KLHL3: variants seen among roughly 807,000 people sequenced by gnomAD.
KLHL3 encodes the protein kelch-like protein 3.
KLHL3 carries 19 observed loss-of-function variants against 70.5 expected under a neutral mutation model. That is an observed-to-expected ratio of 0.27 (90% CI 0.19 to 0.40). The LOEUF (loss-of-function observed/expected upper bound fraction) is 0.40. Among genes scored for constraint, KLHL3 ranks in the 10% least tolerant of loss-of-function variants. The probability of loss-of-function intolerance (pLI) is 1.00; values close to 1 mark genes in which losing one functional copy is unlikely to be tolerated. For synonymous variants in KLHL3, 258 were observed against 290.3 expected (o/e 0.89, Z 1.13); for missense variants, 512 against 771.1 (o/e 0.66, Z 3.98).
intron 1 of KLHL3, 161 bp from the exon 2 acceptor site, chr5:137,720,745 A>C (rs2149935346): frequency 7.6e-6 from 11 of 1,445,758 alleles, no homozygotes; most frequent in Non-Finnish European, 1.0e-5. Flanking sequence ...GAATTTCTTC[A>C]TATCTTCCAA....
intron 8 of KLHL3, among the ~76,000 whole-genome samples, chr5:137,645,562 C>CA (rs796988836): frequency 1.1e-4 from 16 of 148,974 alleles, no homozygotes; most frequent in Middle Eastern, 3.5e-3. Flanking sequence ...ACAATAGCTA[C>CA]AAAAAAAAAT....
At chr5:137,632,854 T>C (rs1190967207) in intron 12 of KLHL3, among the ~76,000 whole-genome samples, 1 of 152,122 alleles carries the variant, frequency 6.6e-6, no homozygotes, top group Non-Finnish European at 1.5e-5. Context: ...AGGATATACA[T>C]ACAGACATTT....
chr5:137,716,857 C>T (rs1269374843), intron 2 of KLHL3, among the ~76,000 whole-genome samples: 1 of 152,120 alleles, frequency 6.6e-6, no homozygotes, highest in Non-Finnish European at 1.5e-5. Flanking sequence ...TTTGTTAGAA[C>T]CTTAGGGAGG....
chr5:137,665,534 G>GT (rs2149900100), intron 6 of KLHL3, among the ~76,000 whole-genome samples: 1 of 152,318 alleles, frequency 6.6e-6, no homozygotes, highest in Admixed American at 6.5e-5. Flanking sequence ...AATGTTAATG[G>GT]TGAGTTTAGG....
At chr5:137,710,721 G>A (rs887634963) in intron 2 of KLHL3, among the ~76,000 whole-genome samples, 1 of 152,122 alleles carries the variant, frequency 6.6e-6, no homozygotes, top group African/African-American at 2.4e-5. Flanking sequence ...TATCATGCCT[G>A]TTATCAATAT....
chr5:137,664,108 T>C (rs1347281826), intron 6 of KLHL3, among the ~76,000 whole-genome samples: 2 of 152,108 alleles, frequency 1.3e-5, no homozygotes, highest in African/African-American at 4.8e-5. Flanking sequence ...TCCCAACATT[T>C]TGGGAGGCCA....
chr5:137,724,913 G>T, intron 1 of KLHL3: 1 of 286,570 alleles, frequency 3.5e-6, no homozygotes, highest in Non-Finnish European at 5.2e-6. Flanking sequence ...TGTACTTGAA[G>T]CTCACAACCT....
In KLHL3 at chr5:137,682,581, T is replaced by C. The variant is rs186930167; in HGVS notation, c.527-4927A>G. ...TAACCCCAGAATTAAGATATTTCCC[T>C]AATCCCCCCATCCACTAGGCTAGAG... On this transcript the variant is annotated intron_variant, in intron 5 of 14. Transcript: ENST00000309755. Among the ~76,000 whole-genome samples the C allele has an allele frequency of 4.0e-3, 611 of 152,298 alleles. 1 individual carries two copies. The highest frequency in any genetic ancestry group is 0.01 in the Middle Eastern group (3 of 294).
chr5:137,711,997 T>C (rs1175785993), intron 2 of KLHL3, among the ~76,000 whole-genome samples: 1 of 140,110 alleles, frequency 7.1e-6, no homozygotes, highest in East Asian at 2.1e-4. Context: ...CTACTAAAAA[T>C]ACAAAAAAAA....
At position 137,729,600 on chromosome 5, in the gene KLHL3, C is replaced by T. The variant is rs142505911; in HGVS notation, c.14+6033G>A. Among the ~76,000 whole-genome samples the T allele has an allele frequency of 6.1e-4, 93 of 152,210 alleles. 1 individual carries two copies. In the East Asian group the frequency reaches 0.018, roughly 29 times the overall value. On this transcript the variant is annotated intron_variant, in intron 1 of 14. Coordinates refer to ENST00000309755, the MANE Select transcript of KLHL3 (RefSeq NM_017415.3). ...ATATCTTGCCAGTAATATTTTACTG[C>T]AAATCAATAAACTGATGACATGTTG...
intron 6 of KLHL3, among the ~76,000 whole-genome samples, chr5:137,666,417 G>C (rs1200226919): frequency 6.6e-6 from 1 of 152,170 alleles, no homozygotes; most frequent in Non-Finnish European, 1.5e-5. Flanking sequence ...AAGTGTACCA[G>C]CTCTGTCTCT....
rs11950275 is a variant in KLHL3, at chr5:137,625,482, G to A, written c.1735+271C>T. Among the ~76,000 whole-genome samples, 64,697 of 152,086 alleles carry A rather than the reference G, an allele frequency of 0.43. 16,470 individuals are homozygous for A. Among genetic ancestry groups the A allele is most frequent in the Non-Finnish European group, 0.56 (37,812 of 67,954 alleles). On this transcript the variant is annotated intron_variant, in intron 14 of 14. Coordinates refer to ENST00000309755, the MANE Select transcript of KLHL3 (RefSeq NM_017415.3). ...AACTCAGTTCAGTTGGAAGTGGTTC[G>A]ATGGAATGAATGTTATAAATTCTGA... is the stretch of plus-strand genomic sequence containing the variant.
chr5:137,714,592 G>A (rs955108217), intron 2 of KLHL3, among the ~76,000 whole-genome samples: 3 of 152,204 alleles, frequency 2.0e-5, no homozygotes, highest in African/African-American at 4.8e-5. Flanking sequence ...GAGACATAAA[G>A]TAGACTAGTG....
chr5:137,735,682 T>G lies in KLHL3; in HGVS notation c.-36A>C, dbSNP rs761392721. ...CCAGCCAGGGTGGTAGCTGCTGAAC[T>G]GTGTATGCACTCGGGGATCCTAGTT... On this transcript the variant is annotated 5_prime_UTR_variant, in exon 1 of 15. Coordinates refer to ENST00000309755, the MANE Select transcript of KLHL3 (RefSeq NM_017415.3). 6.2e-6 allele frequency: 10 copies of G among 1,614,116 alleles called. No homozygotes were observed. In the East Asian group the frequency reaches 2.0e-4, roughly 32 times the overall value.
intron 14 of KLHL3, among the ~76,000 whole-genome samples, chr5:137,624,822 C>T (rs1429985208): frequency 6.6e-6 from 1 of 152,128 alleles, no homozygotes; most frequent in Non-Finnish European, 1.5e-5. Context: ...TTGCTCATCT[C>T]CCCATGGACC....
At chr5:137,634,218 A>G in intron 11 of KLHL3, 53 bp from the exon 12 acceptor site, 1 of 1,545,548 alleles carries the variant, frequency 6.5e-7, no homozygotes, top group African/African-American at 1.4e-5. Context: ...GCATGAAACC[A>G]GAGCTCAGCT....
At chr5:137,685,040 C>T (rs1286295798) in intron 5 of KLHL3, among the ~76,000 whole-genome samples, 1 of 152,178 alleles carries the variant, frequency 6.6e-6, no homozygotes, top group Non-Finnish European at 1.5e-5. Flanking sequence ...CTTCAGCCCC[C>T]ACAAAGTTGT....
intron 8 of KLHL3, among the ~76,000 whole-genome samples, chr5:137,646,267 T>C (rs1287325587): frequency 6.6e-6 from 1 of 152,164 alleles, no homozygotes; most frequent in African/African-American, 2.4e-5. Flanking sequence ...GAAGGTCTAC[T>C]GCAGAAAAGA....
Position 137,638,969 on chromosome 5 carries a change from G to A in KLHL3, c.1203C>T (p.Gly401=). ...VLNDLLYAVG[G]FDGSTGLASV... is the part of the protein sequence containing the mutation. The stretch of plus-strand genomic sequence containing the variant: ...TAAACCTACCAGTACTGCCATCAAA[G>A]CCTCCCACTGCGTAGAGCAAGTCAT... The change falls in exon 10 of 15, where the codon GGC becomes GGT. Residue 401 remains glycine (G), a synonymous_variant. Transcript: ENST00000309755. 1 of 1,614,126 alleles carries A rather than the reference G, an allele frequency of 6.2e-7. No individual in the cohort carries two copies. The highest frequency in any genetic ancestry group is 8.5e-7 in the Non-Finnish European group (1 of 1,179,980).
Sources: allele counts gnomAD v4.1 joint callset (sites outside exome capture counted in the v4.1 genomes callset), GRCh38; gene constraint gnomAD v4.1.1; transcripts MANE v1.5; gene names NCBI Gene and HGNC (gene_info 2026-07-23, HGNC 2026-07-21).